Variants in AKAP7 observed in about 807,000 individuals in gnomAD.
AKAP7 encodes the protein A-kinase anchoring protein 7, also known as A kinase (PRKA) anchor protein 7.
Under a neutral mutation model 39.5 loss-of-function variants are expected in AKAP7, and 39 were observed. That is an observed-to-expected ratio of 0.99 (90% confidence interval 0.76 to 1.29). The LOEUF (loss-of-function observed/expected upper bound fraction) is 1.29. AKAP7 is among the 50% of genes most tolerant of loss of function. AKAP7 has a pLI of 0.00. For synonymous variants in AKAP7, 140 were observed against 139.1 expected (o/e 1.01, Z -0.05); for missense variants, 414 against 407.7 (o/e 1.02, Z -0.13).
the AKAP7 span, among the ~76,000 whole-genome samples, chr6:131,126,849 T>C: frequency 6.6e-6 from 1 of 152,100 alleles, no homozygotes; most frequent in Non-Finnish European, 1.5e-5. Context: ...AATGGCTAAG[T>C]GGCTGCCTGC....
intron 6 of AKAP7, among the ~76,000 whole-genome samples, chr6:131,200,249 A>G (rs1289718321): frequency 2.0e-5 from 3 of 152,254 alleles, no homozygotes; most frequent in Middle Eastern, 3.4e-3. Context: ...AGTCGGAGCA[A>G]CTTTTGACTT....
intron 5 of AKAP7, among the ~76,000 whole-genome samples, chr6:131,172,272 C>G (rs1168349502): frequency 6.6e-6 from 1 of 152,144 alleles, no homozygotes; most frequent in Non-Finnish European, 1.5e-5. Flanking sequence ...AATAAATCAA[C>G]TAAAGGATAT....
upstream of AKAP7, among the ~76,000 whole-genome samples, chr6:131,133,332 T>C (rs1800368548): frequency 6.6e-6 from 1 of 152,218 alleles, no homozygotes; most frequent in African/African-American, 2.4e-5. Context: ...TGTCAGATTA[T>C]CTCCCATTTG....
intron 6 of AKAP7, among the ~76,000 whole-genome samples, chr6:131,211,941 A>C (rs962978169): frequency 6.6e-6 from 1 of 152,212 alleles, no homozygotes; most frequent in African/African-American, 2.4e-5. Context: ...CTGATAGCCT[A>C]GCCTAGCCTA....
At chr6:131,136,039 G>A (rs1584916515) in intron 1 of AKAP7, among the ~76,000 whole-genome samples, 1 of 152,342 alleles carries the variant, frequency 6.6e-6, no homozygotes, top group East Asian at 1.9e-4. Context: ...CCATCCCCGA[G>A]TTTCACTTTT....
intron 1 of AKAP7, among the ~76,000 whole-genome samples, chr6:131,140,793 C>T (rs1290540641): frequency 2.0e-5 from 3 of 152,182 alleles, no homozygotes; most frequent in Non-Finnish European, 4.4e-5. Context: ...TGTGTAGCTG[C>T]ATGTGCCCAA....
In AKAP7 at chr6:131,202,762, T is replaced by TAATAA. The variant is rs375201621; in HGVS notation, c.702+3206_702+3210dup. The stretch of plus-strand genomic sequence containing the variant: ...TACCCTAAAACTTAAAGTATAATAA[T>TAATAA]AATAAAATAAAATAAAATAAAGAAA... On this transcript the variant is annotated intron_variant, in intron 6 of 7. Transcript: ENST00000431975. 2.7e-3 allele frequency among the ~76,000 whole-genome samples: 415 copies of TAATAA among 151,892 alleles called. 2 individuals carry two copies. The highest frequency in any genetic ancestry group is 9.4e-3 in the African/African-American group (389 of 41,290).
At chr6:131,127,077 G>A in the AKAP7 span, among the ~76,000 whole-genome samples, 1 of 151,372 alleles carries the variant, frequency 6.6e-6, no homozygotes, top group South Asian at 2.1e-4. Flanking sequence ...ACAGAGTCTG[G>A]CTCTGTCTCC....
At chr6:131,156,605 A>C (rs914309668) in intron 2 of AKAP7, among the ~76,000 whole-genome samples, 2 of 152,028 alleles carry the variant, frequency 1.3e-5, no homozygotes, top group Non-Finnish European at 2.9e-5. Flanking sequence ...GCATCACTGC[A>C]CTCCAGCCTG....
At chr6:131,238,212 G>A (rs1399413385) in intron 7 of AKAP7, among the ~76,000 whole-genome samples, 1 of 152,080 alleles carries the variant, frequency 6.6e-6, no homozygotes, top group African/African-American at 2.4e-5. Flanking sequence ...GTGGTTGAAC[G>A]GTTTTGAGTG....
rs148475319 is a variant in AKAP7 at position 131,244,327 on chromosome 6, A to G, written c.850+24519A>G. 2.4e-3 allele frequency among the ~76,000 whole-genome samples: 359 copies of G among 152,272 alleles called. 1 individual carries two copies. Among genetic ancestry groups the G allele is most frequent in the African/African-American group, 8.4e-3 (348 of 41,554 alleles). On this transcript the variant is annotated intron_variant, in intron 7 of 7. Transcript: ENST00000431975. Reference sequence around the variant, plus strand: ...TCACCTACTCTGGTGGCACCCGTTGACACAAGAGTTAACTTTACCGCAAGA... The same window carrying G: ...TCACCTACTCTGGTGGCACCCGTTGGCACAAGAGTTAACTTTACCGCAAGA...
chr6:131,177,945 C>T (rs1019148661), intron 5 of AKAP7, among the ~76,000 whole-genome samples: 1 of 152,298 alleles, frequency 6.6e-6, no homozygotes, highest in East Asian at 1.9e-4. Flanking sequence ...TCCCAAATTC[C>T]ACAGGACCCA....
intron 7 of AKAP7, among the ~76,000 whole-genome samples, chr6:131,267,117 T>A: frequency 6.6e-6 from 1 of 152,206 alleles, no homozygotes; most frequent in East Asian, 1.9e-4. Context: ...GCAGAGCTAA[T>A]TTTGAATAAT....
intron 5 of AKAP7, among the ~76,000 whole-genome samples, chr6:131,192,308 G>T (rs1020537801): frequency 6.6e-6 from 1 of 152,048 alleles, no homozygotes; most frequent in African/African-American, 2.4e-5. Context: ...TCTGCATGTG[G>T]ATACCCAGTT....
At chr6:131,226,760 G>A (rs1473770165) in intron 7 of AKAP7, among the ~76,000 whole-genome samples, 2 of 152,056 alleles carry the variant, frequency 1.3e-5, no homozygotes, top group Non-Finnish European at 2.9e-5. Flanking sequence ...AGGTCTAGAC[G>A]TTTTTTGTTT....
chr6:131,176,156 G>T (rs1327008012), intron 5 of AKAP7, among the ~76,000 whole-genome samples: 1 of 152,162 alleles, frequency 6.6e-6, no homozygotes, highest in Non-Finnish European at 1.5e-5. Flanking sequence ...GGGCTAAAGA[G>T]ACCAAGCCCT....
chr6:131,138,742 T>C lies in AKAP7; in HGVS notation c.19+2960T>C, dbSNP rs187116640. Among the ~76,000 whole-genome samples, 268 of 152,340 alleles carry C rather than the reference T, an allele frequency of 1.8e-3. 1 individual carries two copies. Among genetic ancestry groups the C allele is most frequent in the Middle Eastern group, 6.8e-3 (2 of 294 alleles). On this transcript the variant is annotated intron_variant, in intron 1 of 7. Transcript: ENST00000431975. ...AGTACTTATTTAATCAGTTAGTTTG[T>C]AAAATGAGCATCATAATAGTACCTC...
At chr6:131,204,886 T>C (rs1319232069) in intron 6 of AKAP7, among the ~76,000 whole-genome samples, 1 of 152,216 alleles carries the variant, frequency 6.6e-6, no homozygotes. Flanking sequence ...TTTTAAAGAC[T>C]GAAGCCAGAT....
intron 1 of AKAP7, among the ~76,000 whole-genome samples, chr6:131,139,903 G>A (rs761655341): frequency 1.3e-5 from 2 of 152,146 alleles, no homozygotes; most frequent in African/African-American, 4.8e-5. Flanking sequence ...ACAGATAAAC[G>A]GACATGTATA....
Sources: allele counts gnomAD v4.1 joint callset (sites outside exome capture counted in the v4.1 genomes callset), GRCh38; gene constraint gnomAD v4.1.1; transcripts MANE v1.5; gene names NCBI Gene and HGNC (gene_info 2026-07-23, HGNC 2026-07-21).